IL1RAPL2: variants seen among roughly 807,000 people sequenced by gnomAD.
IL1RAPL2 encodes X-linked interleukin-1 receptor accessory protein-like 2.
Under a neutral mutation model 44.1 loss-of-function variants are expected in IL1RAPL2, and 3 were observed. The observed-to-expected ratio is 0.07, with a 90% CI of 0.03 to 0.18. IL1RAPL2 has a LOEUF of 0.18. Ranked by LOEUF, IL1RAPL2 falls within the 10% of genes least tolerant of loss-of-function variation. The probability of loss-of-function intolerance (pLI) is 1.00; values close to 1 mark genes in which losing one functional copy is unlikely to be tolerated. For synonymous variants in IL1RAPL2, 181 were observed against 178.8 expected (o/e 1.01, Z -0.10); for missense variants, 391 against 496.4 (o/e 0.79, Z 2.02).
rs920013136 is a variant in IL1RAPL2, at chrX:104,854,447, C to T, written c.82+195452C>T. The stretch of plus-strand genomic sequence containing the variant: ...CATCTAGGTTTTAACCACACATGCA[C>T]AAAAAAGCACAACATAATACCACAC... On this transcript the variant is annotated intron_variant, in intron 2 of 10. Transcript: ENST00000372582. Among the ~76,000 whole-genome samples, 5 of 111,746 alleles carry T rather than the reference C, an allele frequency of 4.5e-5. No individual in the cohort carries two copies. The East Asian group carries it at 1.4e-3, about 32-fold the overall frequency.
chrX:104,687,690 A>G (rs1031635310), intron 2 of IL1RAPL2, among the ~76,000 whole-genome samples: 2 of 111,388 alleles, frequency 1.8e-5, no homozygotes, highest in Non-Finnish European at 3.8e-5. Flanking sequence ...AATTTCAAAA[A>G]TTTCTGTCTT....
chrX:104,675,647 G>A (rs370118282), intron 2 of IL1RAPL2, among the ~76,000 whole-genome samples: 1 of 110,516 alleles, frequency 9.0e-6, no homozygotes, highest in South Asian at 3.9e-4. Context: ...CAATTCCTGG[G>A]TATCCTTGTT....
chrX:104,898,542 A>G (rs774520738), intron 2 of IL1RAPL2, among the ~76,000 whole-genome samples: 1 of 112,986 alleles, frequency 8.9e-6, no homozygotes, highest in Non-Finnish European at 1.9e-5. Context: ...TCTGCATTGC[A>G]TGGCTGTCCT....
At chrX:105,093,868 T>TAC (rs1173181547) in intron 2 of IL1RAPL2, among the ~76,000 whole-genome samples, 1 of 111,647 alleles carries the variant, frequency 9.0e-6, no homozygotes, top group African/African-American at 3.3e-5. Context: ...GTCTCCTCAC[T>TAC]TGTATAATTG....
At chrX:105,761,962 T>G (rs1328814215) in intron 10 of IL1RAPL2, among the ~76,000 whole-genome samples, 1 of 111,976 alleles carries the variant, frequency 8.9e-6, no homozygotes, top group Admixed American at 9.5e-5. Context: ...TAAGACCACA[T>G]AGAAATTCAT....
chrX:104,782,739 G>A (rs745510320), intron 2 of IL1RAPL2, among the ~76,000 whole-genome samples: 13 of 111,682 alleles, frequency 1.2e-4, no homozygotes, highest in East Asian at 2.8e-4. Flanking sequence ...AGATGTGATC[G>A]TTCTCAGATT....
intron 2 of IL1RAPL2, among the ~76,000 whole-genome samples, chrX:104,885,570 G>A (rs1354978835): frequency 8.9e-6 from 1 of 111,814 alleles, no homozygotes; most frequent in Non-Finnish European, 1.9e-5. Context: ...CCAAAAGCAA[G>A]CCCTGGGTCC....
intron 2 of IL1RAPL2, among the ~76,000 whole-genome samples, chrX:105,040,793 C>T (rs1200644644): frequency 5.6e-5 from 6 of 106,532 alleles, no homozygotes; most frequent in East Asian, 2.9e-4. Flanking sequence ...GTCTTGCTAG[C>T]GGTCTATCAA....
intron 2 of IL1RAPL2, among the ~76,000 whole-genome samples, chrX:105,046,543 T>A (rs185193740): frequency 1.7e-4 from 19 of 111,721 alleles, no homozygotes; most frequent in African/African-American, 6.2e-4. Flanking sequence ...ATCTAAGAGC[T>A]GATTCTTCTC....
intron 6 of IL1RAPL2, among the ~76,000 whole-genome samples, chrX:105,706,611 G>T (rs916391953): frequency 3.6e-5 from 4 of 111,160 alleles, no homozygotes; most frequent in Non-Finnish European, 7.6e-5. Context: ...GTAATGTAAA[G>T]ACCCAGAGCT....
intron 2 of IL1RAPL2, among the ~76,000 whole-genome samples, chrX:105,016,853 C>G (rs948678507): frequency 4.5e-5 from 5 of 111,404 alleles, no homozygotes; most frequent in Admixed American, 9.6e-5. Flanking sequence ...AGGATTCTCT[C>G]TCTTTCTGTT....
At chrX:104,742,926 G>A (rs950932325) in intron 2 of IL1RAPL2, among the ~76,000 whole-genome samples, 5 of 111,655 alleles carry the variant, frequency 4.5e-5, no homozygotes, top group Non-Finnish European at 7.6e-5. Flanking sequence ...AAAACAAATC[G>A]TGACTTCAGG....
chrX:105,384,516 G>A (rs1483167542), intron 5 of IL1RAPL2, among the ~76,000 whole-genome samples: 1 of 111,305 alleles, frequency 9.0e-6, no homozygotes, highest in African/African-American at 3.3e-5. Context: ...CTATAGTTTT[G>A]TAGTATAATT....
intron 2 of IL1RAPL2, among the ~76,000 whole-genome samples, chrX:104,981,613 A>G (rs1179561081): frequency 1.8e-5 from 2 of 110,427 alleles, no homozygotes; most frequent in African/African-American, 6.6e-5. Flanking sequence ...CTAGTAATAT[A>G]TTGAATGGAA....
intron 6 of IL1RAPL2, among the ~76,000 whole-genome samples, chrX:105,613,109 A>T (rs1017792724): frequency 9.0e-6 from 1 of 111,694 alleles, no homozygotes. Context: ...TGAGGAGAGG[A>T]GAAGGAAGAG....
chrX:105,620,802 A>G (rs1183803392), intron 6 of IL1RAPL2, among the ~76,000 whole-genome samples: 1 of 111,776 alleles, frequency 8.9e-6, no homozygotes, highest in Non-Finnish European at 1.9e-5. Flanking sequence ...AAAATCAACA[A>G]GACATTGGGA....
chrX:105,696,548 C>T (rs186090807), intron 6 of IL1RAPL2, among the ~76,000 whole-genome samples: 1 of 111,550 alleles, frequency 9.0e-6, no homozygotes, highest in South Asian at 3.7e-4. Context: ...CCACCCCCCC[C>T]ACAAAAGTAA....
intron 5 of IL1RAPL2, among the ~76,000 whole-genome samples, chrX:105,441,375 C>G (rs12388098): frequency 0.093 from 10,341 of 111,527 alleles, 1,201 homozygotes; most frequent in African/African-American, 0.32. Context: ...ACACAGTCTC[C>G]TTTGGTGTAA....
intron 10 of IL1RAPL2, among the ~76,000 whole-genome samples, chrX:105,756,003 C>T (rs1022857154): frequency 1.8e-5 from 2 of 111,772 alleles, no homozygotes; most frequent in Non-Finnish European, 1.9e-5. Context: ...AGTGCATACA[C>T]ATACACAGTA....
Sources: allele counts gnomAD v4.1 joint callset (sites outside exome capture counted in the v4.1 genomes callset), GRCh38; gene constraint gnomAD v4.1.1; transcripts MANE v1.5; gene names NCBI Gene and HGNC (gene_info 2026-07-23, HGNC 2026-07-21).